The following FMNL3 variants were observed in gnomAD, a reference collection of about 807,000 sequenced individuals.
FMNL3 encodes formin-like protein 3.
FMNL3 carries 57 observed loss-of-function variants against 119.6 expected under a neutral mutation model. The observed-to-expected ratio is 0.48, with a 90% confidence interval of 0.39 to 0.59. The LOEUF (loss-of-function observed/expected upper bound fraction) is 0.59, where lower values mean the gene tolerates loss of function less well. FMNL3 is among the 20% of genes least tolerant of loss of function. The probability of loss-of-function intolerance (pLI) is 0.00; values close to 1 mark genes in which losing one functional copy is unlikely to be tolerated. For missense variants in FMNL3, 1,053 were observed against 1,323.5 expected (o/e 0.80, Z 3.17); for synonymous variants, 491 against 507.3 (o/e 0.97, Z 0.43).
intron 1 of FMNL3, among the ~76,000 whole-genome samples, chr12:49,673,754 C>T (rs1465851978): frequency 6.6e-6 from 1 of 152,264 alleles, no homozygotes; most frequent in African/African-American, 2.4e-5. Context: ...CCTCCTCCAC[C>T]CAGCCCGCCC....
intron 1 of FMNL3, among the ~76,000 whole-genome samples, chr12:49,691,549 A>G (rs1260873733): frequency 6.6e-6 from 1 of 152,212 alleles, no homozygotes; most frequent in East Asian, 1.9e-4. Context: ...ACATTAAATA[A>G]TTTAAAATAC....
At chr12:49,703,015 T>A (rs939906145) in intron 1 of FMNL3, among the ~76,000 whole-genome samples, 2 of 152,148 alleles carry the variant, frequency 1.3e-5, no homozygotes, top group African/African-American at 2.4e-5. Context: ...AAGTTGTCAG[T>A]CATCACCAGG....
chr12:49,672,625 AGCC>A (rs930992638), intron 1 of FMNL3, among the ~76,000 whole-genome samples: 2 of 152,194 alleles, frequency 1.3e-5, no homozygotes, highest in Admixed American at 6.5e-5. Context: ...GACCCCTGAC[AGCC>A]CCAGTCAAGC....
At chr12:49,690,404 TA>T (rs1944571984) in intron 1 of FMNL3, among the ~76,000 whole-genome samples, 1 of 152,126 alleles carries the variant, frequency 6.6e-6, no homozygotes, top group Non-Finnish European at 1.5e-5. Context: ...CACTCTCTCT[TA>T]ACAACCTGTT....
chr12:49,642,338 T>C lies in FMNL3; in HGVS notation c.*3477A>G. ...TTTCGAAGCATGCTGAGGCAGGCTG[T>C]GCCTGCTCTGGAGCTAGGCACTGCC... is the stretch of plus-strand genomic sequence containing the variant. On this transcript the variant is annotated 3_prime_UTR_variant, in exon 26 of 26. Coordinates refer to ENST00000335154, the MANE Select transcript of FMNL3 (RefSeq NM_175736.5). The surrounding 1 kb of genome is among the most constrained non-coding windows in gnomAD (Gnocchi z 5.8). The C allele has an allele frequency of 6.2e-7, 1 of 1,614,012 alleles. No individual in the cohort carries two copies. Among genetic ancestry groups the C allele is most frequent in the Non-Finnish European group, 8.5e-7 (1 of 1,180,030 alleles).
chr12:49,668,966 T>C (rs1943966052), intron 1 of FMNL3, among the ~76,000 whole-genome samples: 1 of 152,276 alleles, frequency 6.6e-6, no homozygotes, highest in East Asian at 1.9e-4. Flanking sequence ...GTCAAAAAAT[T>C]TGAAAACCCA....
chr12:49,647,871 T>A lies in FMNL3; in HGVS notation c.2677-67A>T. ...ATCAGCCCAGCTCCCACACCACGGA[T>A]GAGAGGCCTGCAGAAAGCAGAGCCC... On this transcript the variant is annotated intron_variant, in intron 22 of 25. Transcript: ENST00000335154. The surrounding 1 kb of genome is among the most constrained non-coding windows in gnomAD (Gnocchi z 4.9). The A allele has an allele frequency of 7.8e-7, 1 of 1,277,204 alleles. No homozygotes were observed. 79.1% of individuals were successfully genotyped at this position (1,277,204 alleles called of 1,614,324 possible).
chr12:49,681,490 G>A (rs959519061), intron 1 of FMNL3, among the ~76,000 whole-genome samples: 1 of 152,100 alleles, frequency 6.6e-6, no homozygotes, highest in African/African-American at 2.4e-5. Context: ...CGCCCTGCCT[G>A]AGTAGCATTT....
At chr12:49,660,200 A>C (rs1943691747) in intron 5 of FMNL3, among the ~76,000 whole-genome samples, 1 of 152,110 alleles carries the variant, frequency 6.6e-6, no homozygotes, top group African/African-American at 2.4e-5. Context: ...TTTCCCTCTC[A>C]ATCCTTCCTA....
intron 1 of FMNL3, among the ~76,000 whole-genome samples, chr12:49,706,337 T>C (rs1945046785): frequency 6.6e-6 from 1 of 152,208 alleles, no homozygotes; most frequent in African/African-American, 2.4e-5. Flanking sequence ...CCAGTCACTA[T>C]GGCTTAACGT....
intron 17 of FMNL3, 27 bp downstream of exon 17, chr12:49,650,649 C>T: frequency 6.2e-7 from 1 of 1,611,230 alleles, no homozygotes. Context: ...AGACTAGGGA[C>T]CAGAGCCAGG....
rs796222455 is a variant in FMNL3 at position 49,707,381 on chromosome 12, G to A, written c.-201C>T. 3.1e-5 allele frequency: 13 copies of A among 414,518 alleles called. No individual in the cohort carries two copies. The highest frequency in any genetic ancestry group is 4.6e-5 in the Admixed American group (1 of 21,974). The allele number at this position is 414,518 out of a possible 1,614,324, so 25.7% of individuals were successfully genotyped here. ...GGCGGAGGCAGCGTAGCGGACAGCC[G>A]CACCGAAGCAAGGCGGACGGAGGCG... On this transcript the variant is annotated 5_prime_UTR_variant, in exon 1 of 26. Coordinates refer to ENST00000335154, the MANE Select transcript of FMNL3 (RefSeq NM_175736.5).
At chr12:49,706,381 A>G (rs915983922) in intron 1 of FMNL3, among the ~76,000 whole-genome samples, 17 of 152,164 alleles carry the variant, frequency 1.1e-4, no homozygotes, top group African/African-American at 2.2e-4. Context: ...TGGTTTGTGT[A>G]TTGTTTCACT....
rs1274315464 is a variant in FMNL3 at position 49,637,294 on chromosome 12, CT to C, written c.*8520del. The C allele has an allele frequency of 5.0e-6, 3 of 604,424 alleles. No homozygotes were observed. The highest frequency in any genetic ancestry group is 8.9e-6 in the Non-Finnish European group (3 of 338,358). 37.4% of individuals were successfully genotyped at this position (604,424 alleles called of 1,614,324 possible). ...CCCTCTCTGTGTATTTACTTTCTCT[CT>C]TTTTGCATTGTTCTCAGCCTTCCAT... On this transcript the variant is annotated 3_prime_UTR_variant, in exon 26 of 26. Transcript: ENST00000335154.
rs1430885467 is a variant in FMNL3, at chr12:49,643,370, T to C, written c.*2445A>G. Reference sequence around the variant, plus strand: ...GGGTGCTGCCCTTGGAGGACGGGGCTCCCCTTCCTCCCATCTTCTTGGAGC... The same window carrying C: ...GGGTGCTGCCCTTGGAGGACGGGGCCCCCCTTCCTCCCATCTTCTTGGAGC... On this transcript the variant is annotated 3_prime_UTR_variant, in exon 26 of 26. Transcript: ENST00000335154. 1 of 1,572,788 alleles carries C rather than the reference T, an allele frequency of 6.4e-7. No homozygotes were observed. Among genetic ancestry groups the C allele is most frequent in the Non-Finnish European group, 8.6e-7 (1 of 1,160,842 alleles).
At chr12:49,684,331 C>T (rs556893925) in intron 1 of FMNL3, among the ~76,000 whole-genome samples, 1 of 152,266 alleles carries the variant, frequency 6.6e-6, no homozygotes, top group Non-Finnish European at 1.5e-5. Flanking sequence ...TCTTTAGCCG[C>T]CCTGCCACAA....
At chr12:49,682,048 G>A (rs950733566) in intron 1 of FMNL3, among the ~76,000 whole-genome samples, 2 of 150,938 alleles carry the variant, frequency 1.3e-5, no homozygotes, top group Admixed American at 6.6e-5. Context: ...AAGTACATAC[G>A]CAAAATACAA....
intron 11 of FMNL3, 34 bp downstream of exon 11, chr12:49,654,158 G>A (rs763021727): frequency 6.3e-7 from 1 of 1,576,676 alleles, no homozygotes; most frequent in Non-Finnish European, 8.7e-7. Flanking sequence ...TGATCCCAAA[G>A]CACCTCACCT....
chr12:49,667,482 G>A lies in FMNL3; in HGVS notation c.210+989C>T, dbSNP rs145752605. ...TCTCTGAAGCATACTACTAGCTTAC[G>A]TCAAGCAGCATGACCTGGGGAGGCA... On this transcript the variant is annotated intron_variant, in intron 2 of 25. Transcript: ENST00000335154. 2.7e-3 allele frequency among the ~76,000 whole-genome samples: 404 copies of A among 152,276 alleles called. 2 individuals carry two copies. Among genetic ancestry groups the A allele is most frequent in the Non-Finnish European group, 2.8e-3 (188 of 68,026 alleles).
Sources: gnomAD v4.1 joint callset for allele counts (sites outside exome capture counted in the v4.1 genomes callset) on GRCh38, gnomAD v4.1.1 for gene constraint, Gnocchi (gnomAD v3.1) non-coding constraint, MANE v1.5 for transcripts, NCBI Gene and HGNC (gene_info 2026-07-23, HGNC 2026-07-21) for gene names.